DNAH14: variants seen among roughly 807,000 people sequenced by gnomAD.
The protein encoded by DNAH14 is dynein axonemal heavy chain 14.
In DNAH14, 478 loss-of-function variants were observed where a neutral mutation model predicts 520.9. That is an observed-to-expected ratio of 0.92 (90% confidence interval 0.85 to 0.99). The LOEUF is 0.99. Among genes scored for constraint, DNAH14 ranks in the 50% least tolerant of loss-of-function variants. The pLI, the probability that DNAH14 is intolerant of heterozygous loss-of-function variation, is 0.00. For synonymous variants in DNAH14, 1,581 were observed against 1,757.2 expected, an observed-to-expected ratio of 0.90 and a Z score of 2.51; for missense variants, 4,831 against 5,234.5, an observed-to-expected ratio of 0.92 and a Z score of 2.38.
chr1:225,266,864 T>C (rs2093136588), intron 49 of DNAH14, 95 bp downstream of exon 49: 3 of 1,241,324 alleles, frequency 2.4e-6, no homozygotes, highest in Admixed American at 3.7e-5. Context: ...CTTGAGAAAG[T>C]TAGAAATTCT....
intron 41 of DNAH14, among the ~76,000 whole-genome samples, chr1:225,223,085 A>G (rs2090204453): frequency 6.6e-6 from 1 of 152,088 alleles, no homozygotes. Context: ...CAAAGAGAAA[A>G]CAGAGGTTTT....
At chr1:225,157,471 A>AC (rs2081152584) in intron 34 of DNAH14, among the ~76,000 whole-genome samples, 1 of 152,154 alleles carries the variant, frequency 6.6e-6, no homozygotes, top group Admixed American at 6.5e-5. Context: ...TGACAGATAG[A>AC]CCCATTGGTA....
intron 38 of DNAH14, among the ~76,000 whole-genome samples, chr1:225,199,328 A>C (rs1259073630): frequency 6.8e-6 from 1 of 148,034 alleles, no homozygotes; most frequent in Non-Finnish European, 1.5e-5. Context: ...TTTTTGTTTC[A>C]ATTTCATTTA....
At chr1:225,276,251 G>A (rs904747867) in intron 53 of DNAH14, among the ~76,000 whole-genome samples, 170 bp downstream of exon 53, 1 of 152,072 alleles carries the variant, frequency 6.6e-6, no homozygotes, top group African/African-American at 2.4e-5. Context: ...GAGATCAGGG[G>A]AAAATGCTTA....
chr1:224,955,073 A>G lies in DNAH14; in HGVS notation c.192A>G (p.Glu64=). ...LEYKTVRTFS[E]SLKSEKTEDY... is the part of the protein sequence containing the mutation. Reference sequence around the variant, plus strand: ...ATAAAACAGTTAGAACATTCTCTGAATCTTTGAAGTCAGAGAAAACAGAAG... The same window carrying G: ...ATAAAACAGTTAGAACATTCTCTGAGTCTTTGAAGTCAGAGAAAACAGAAG... The change falls in exon 3 of 86, where the codon GAA becomes GAG. Residue 64 remains glutamate (E), a synonymous_variant. Coordinates refer to ENST00000682510, the MANE Select transcript of DNAH14 (RefSeq NM_001367479.1). 1 of 1,610,156 alleles carries G rather than the reference A, an allele frequency of 6.2e-7. No homozygotes were observed. The highest frequency in any genetic ancestry group is 8.5e-7 in the Non-Finnish European group (1 of 1,177,968).
At chr1:225,059,884 G>T (rs1416259667) in intron 17 of DNAH14, among the ~76,000 whole-genome samples, 1 of 152,204 alleles carries the variant, frequency 6.6e-6, no homozygotes, top group East Asian at 1.9e-4. Context: ...CAGAGTTTCT[G>T]CCGAGAGACC....
chr1:225,206,896 A>T, intron 40 of DNAH14, 72 bp from the exon 41 acceptor site: 1 of 1,283,152 alleles, frequency 7.8e-7, no homozygotes, highest in Non-Finnish European at 1.0e-6. Flanking sequence ...AAGTAAAAAG[A>T]GAGTAAGATA....
chr1:225,384,179 A>G (rs1036967668), intron 81 of DNAH14, among the ~76,000 whole-genome samples: 2 of 152,198 alleles, frequency 1.3e-5, no homozygotes, highest in Non-Finnish European at 2.9e-5. Context: ...TTTTGGAATA[A>G]GTGCGATGTG....
intron 8 of DNAH14, among the ~76,000 whole-genome samples, chr1:224,993,377 T>A (rs1446573011): frequency 6.6e-6 from 1 of 152,060 alleles, no homozygotes; most frequent in Non-Finnish European, 1.5e-5. Flanking sequence ...TTGTCTTTCT[T>A]ATTTTTGGTC....
chr1:224,946,327 C>G (rs2059827309), intron 1 of DNAH14, among the ~76,000 whole-genome samples: 1 of 152,174 alleles, frequency 6.6e-6, no homozygotes, highest in Non-Finnish European at 1.5e-5. Context: ...GTGCCATTTG[C>G]TAAGACTGTT....
At chr1:225,398,812 A>C in intron 85 of DNAH14, 146 bp downstream of exon 85, 1 of 1,209,812 alleles carries the variant, frequency 8.3e-7, no homozygotes, top group South Asian at 1.6e-5. Context: ...ATCTCCCAAA[A>C]TATTACTAAA....
At position 225,192,721 on chromosome 1, in the gene DNAH14, A is replaced by T. The variant is rs1322039673; in HGVS notation, c.5696A>T (p.Asp1899Val). The stretch of plus-strand genomic sequence containing the variant: ...ATTTCAGAAAGAAAAGGAAAAGTAG[A>T]TATTTGTGTTTTAAATCCAAAGTGT... ...SKISERKGKVDICVLNPKCVT... is the reference protein window; with the variant it reads ...SKISERKGKVVICVLNPKCVT... The change falls in exon 38 of 86, where the codon GAT (aspartate) becomes GTT (valine). Residue 1899 changes from aspartate to valine, a missense_variant. Transcript: ENST00000682510. The T allele has an allele frequency of 6.5e-7, 1 of 1,548,982 alleles. No individual in the cohort carries two copies. The highest frequency in any genetic ancestry group is 8.7e-7 in the Non-Finnish European group (1 of 1,145,376).
At chr1:224,948,659 G>A (rs1375314101) in intron 1 of DNAH14, among the ~76,000 whole-genome samples, 1 of 151,488 alleles carries the variant, frequency 6.6e-6, no homozygotes, top group Non-Finnish European at 1.5e-5. Flanking sequence ...TCTTAGATGG[G>A]TTGCTTATAT....
At chr1:225,360,033 T>A (rs2095475255) in intron 74 of DNAH14, among the ~76,000 whole-genome samples, 1 of 152,192 alleles carries the variant, frequency 6.6e-6, no homozygotes, top group African/African-American at 2.4e-5. Context: ...GTATGTGTTG[T>A]TCCCCCCACG....
chr1:225,085,865 A>T (rs1168659298), intron 21 of DNAH14, 76 bp downstream of exon 21: 1 of 1,408,528 alleles, frequency 7.1e-7, no homozygotes, highest in Non-Finnish European at 9.3e-7. Context: ...TGCGGTCTAC[A>T]GTTTGCCTTT....
intron 1 of DNAH14, among the ~76,000 whole-genome samples, chr1:224,950,696 T>C (rs946872461): frequency 6.6e-6 from 1 of 152,244 alleles, no homozygotes; most frequent in Admixed American, 6.5e-5. Context: ...AATGATGGCC[T>C]ATCGGCCAAA....
At chr1:225,056,046 T>C (rs2069046648) in intron 17 of DNAH14, among the ~76,000 whole-genome samples, 1 of 151,924 alleles carries the variant, frequency 6.6e-6, no homozygotes, top group Non-Finnish European at 1.5e-5. Context: ...TTTGGGTATA[T>C]ACCCAGTAAT....
At position 225,323,716 on chromosome 1, in the gene DNAH14, G is replaced by A. The variant is rs376215052; in HGVS notation, c.9496-506G>A. ...GACCTTGTGATCTGCCCCCCTGGGCGTCCCAAAGTGCTGGGATTACAGGCG... is the reference window on the plus strand; with the variant it reads ...GACCTTGTGATCTGCCCCCCTGGGCATCCCAAAGTGCTGGGATTACAGGCG... On this transcript the variant is annotated intron_variant, in intron 62 of 85. Coordinates refer to ENST00000682510, the MANE Select transcript of DNAH14 (RefSeq NM_001367479.1). Among the ~76,000 whole-genome samples, 27 of 152,182 alleles carry A rather than the reference G, an allele frequency of 1.8e-4. No homozygotes were observed. In the South Asian group the frequency reaches 1.9e-3, roughly 11 times the overall value.
chr1:225,035,060 TGTG>T (rs1347835339), intron 11 of DNAH14, among the ~76,000 whole-genome samples: 1 of 129,912 alleles, frequency 7.7e-6, no homozygotes, highest in Non-Finnish European at 1.7e-5. Context: ...ATGTTTTTTT[TGTG>T]TGTGTGCATG....
Sources: gnomAD v4.1 joint callset for allele counts (sites outside exome capture counted in the v4.1 genomes callset) on GRCh38, gnomAD v4.1.1 for gene constraint, MANE v1.5 for transcripts, NCBI Gene and HGNC (gene_info 2026-07-23, HGNC 2026-07-21) for gene names.